Variants in ATP2B2 observed in about 807,000 individuals in gnomAD.
The protein encoded by ATP2B2 is plasma membrane calcium-transporting ATPase 2.
A neutral mutation model predicts 120.0 loss-of-function variants in ATP2B2; 15 were observed. The observed-to-expected ratio is 0.12, with a 90% CI of 0.08 to 0.19. ATP2B2 has a LOEUF of 0.19. Ranked by LOEUF, ATP2B2 falls within the 10% of genes least tolerant of loss-of-function variation. ATP2B2 has a pLI of 1.00. For missense variants in ATP2B2, 1,045 were observed against 1,719.8 expected, an observed-to-expected ratio of 0.61 and a Z score of 6.94; for synonymous variants, 694 against 700.3, an observed-to-expected ratio of 0.99 and a Z score of 0.14.
intron 2 of ATP2B2, among the ~76,000 whole-genome samples, chr3:10,577,741 G>A (rs141965748): frequency 2.0e-5 from 3 of 152,314 alleles, no homozygotes; most frequent in South Asian, 2.1e-4. Flanking sequence ...TCCCGGCAGC[G>A]TGACTCGGAA....
chr3:10,587,053 G>C (rs1033770261), intron 2 of ATP2B2, among the ~76,000 whole-genome samples: 4 of 152,148 alleles, frequency 2.6e-5, no homozygotes, highest in Non-Finnish European at 5.9e-5. Flanking sequence ...CAGTACTTTG[G>C]GATGCCAAGG....
In ATP2B2 at chr3:10,492,086, A is replaced by T. The variant is rs541112840; in HGVS notation, c.-320+13379T>A. On this transcript the variant is annotated intron_variant, in intron 1 of 22. Coordinates refer to ENST00000360273, the MANE Select transcript of ATP2B2 (RefSeq NM_001001331.4). Reference sequence around the variant, plus strand: ...ATTCCATTTGTTGCGACAAGCATGCATTATTTTTGTAATTCAAATGACTGT... The same window carrying T: ...ATTCCATTTGTTGCGACAAGCATGCTTTATTTTTGTAATTCAAATGACTGT... Among the ~76,000 whole-genome samples the T allele has an allele frequency of 1.3e-4, 20 of 152,354 alleles. 1 individual carries two copies. The South Asian group carries it at 3.9e-3, about 30-fold the overall frequency.
intron 1 of ATP2B2, among the ~76,000 whole-genome samples, chr3:10,452,386 G>T (rs1371398950): frequency 6.6e-6 from 1 of 152,240 alleles, no homozygotes; most frequent in Non-Finnish European, 1.5e-5. Context: ...GCCACAGGAG[G>T]CAAGGAGAGA....
At chr3:10,421,488 C>T (rs1190003406) in intron 2 of ATP2B2, among the ~76,000 whole-genome samples, 1 of 152,202 alleles carries the variant, frequency 6.6e-6, no homozygotes, top group Non-Finnish European at 1.5e-5. Context: ...GACCCTTTGT[C>T]TCCTACTGGT....
chr3:10,398,488 G>A (rs941166390), intron 5 of ATP2B2, among the ~76,000 whole-genome samples: 1 of 152,140 alleles, frequency 6.6e-6, no homozygotes, highest in African/African-American at 2.4e-5. Flanking sequence ...CAAGATGACT[G>A]GGAATCCTGC....
intron 22 of ATP2B2, among the ~76,000 whole-genome samples, chr3:10,336,672 G>A (rs2125349662): frequency 6.6e-6 from 1 of 152,302 alleles, no homozygotes; most frequent in African/African-American, 2.4e-5. Flanking sequence ...GGGGTCCTGA[G>A]GTGGACAGAG....
intron 1 of ATP2B2, among the ~76,000 whole-genome samples, chr3:10,681,785 G>A (rs1368600343): frequency 6.6e-6 from 1 of 152,190 alleles, no homozygotes; most frequent in African/African-American, 2.4e-5. Context: ...GCTCTAAGTC[G>A]TGCAGCTAGT....
chr3:10,494,625 T>C (rs375774049), intron 1 of ATP2B2, among the ~76,000 whole-genome samples: 5 of 152,156 alleles, frequency 3.3e-5, no homozygotes, highest in Non-Finnish European at 7.3e-5. Context: ...AACACACTGC[T>C]CAAAGGACAC....
intron 10 of ATP2B2, among the ~76,000 whole-genome samples, chr3:10,376,067 G>A (rs1381000036): frequency 6.6e-6 from 1 of 152,040 alleles, no homozygotes; most frequent in African/African-American, 2.4e-5. Context: ...TCATTTATTC[G>A]ACAAATACCT....
chr3:10,564,721 C>A (rs2067975489), intron 2 of ATP2B2, among the ~76,000 whole-genome samples: 1 of 152,200 alleles, frequency 6.6e-6, no homozygotes, highest in African/African-American at 2.4e-5. Context: ...GCAATGACAC[C>A]TACCATTACT....
At chr3:10,464,028 C>A (rs1006228591) in intron 1 of ATP2B2, among the ~76,000 whole-genome samples, 2 of 152,282 alleles carry the variant, frequency 1.3e-5, no homozygotes, top group East Asian at 3.9e-4. Context: ...GACCCCAGAC[C>A]CTGGAACCCC....
chr3:10,458,259 A>T lies in ATP2B2; in HGVS notation c.-319-8397T>A, dbSNP rs549212217. Reference sequence around the variant, plus strand: ...TGAGGAGAGCAAGAGAGACACTCAGATCCTTTTTCCTGCTGTTTAACATCT... The same window carrying T: ...TGAGGAGAGCAAGAGAGACACTCAGTTCCTTTTTCCTGCTGTTTAACATCT... On this transcript the variant is annotated intron_variant, in intron 1 of 22. Transcript: ENST00000360273. 5.3e-5 allele frequency among the ~76,000 whole-genome samples: 8 copies of T among 152,258 alleles called. No homozygotes were observed. The East Asian group carries it at 1.5e-3, about 29-fold the overall frequency.
intron 1 of ATP2B2, among the ~76,000 whole-genome samples, chr3:10,637,236 T>C (rs982161679): frequency 6.6e-6 from 1 of 152,154 alleles, no homozygotes; most frequent in Admixed American, 6.5e-5. Flanking sequence ...AAATATCTAG[T>C]ACCCAATAAG....
intron 2 of ATP2B2, among the ~76,000 whole-genome samples, chr3:10,548,701 C>T (rs7635645): frequency 0.43 from 66,042 of 152,016 alleles, 14,514 homozygotes; most frequent in South Asian, 0.57. Flanking sequence ...AGCATTCCCA[C>T]GCCTCACAAA....
At chr3:10,528,893 C>A (rs1298312277) in intron 3 of ATP2B2, among the ~76,000 whole-genome samples, 1 of 152,158 alleles carries the variant, frequency 6.6e-6, no homozygotes, top group Non-Finnish European at 1.5e-5. Context: ...ATTGTAGGCT[C>A]TCAGTTCAAG....
intron 1 of ATP2B2, among the ~76,000 whole-genome samples, chr3:10,676,119 A>C (rs1303675371): frequency 6.6e-6 from 1 of 152,182 alleles, no homozygotes; most frequent in Non-Finnish European, 1.5e-5. Context: ...TTAGCACAGG[A>C]TCTGGCAGTT....
chr3:10,491,478 G>T (rs1166291337), intron 1 of ATP2B2, among the ~76,000 whole-genome samples: 1 of 152,136 alleles, frequency 6.6e-6, no homozygotes, highest in Non-Finnish European at 1.5e-5. Flanking sequence ...TGCCCACCTT[G>T]GCCTCCCAAT....
At position 10,531,461 on chromosome 3, in the gene ATP2B2, T is replaced by C. The variant is rs114518633; in HGVS notation, c.-320+2578A>G. Among the ~76,000 whole-genome samples the C allele has an allele frequency of 3.5e-3, 533 of 152,334 alleles. 1 individual carries two copies. Among genetic ancestry groups the C allele is most frequent in the African/African-American group, 0.012 (507 of 41,580 alleles). On this transcript the variant is annotated intron_variant, in intron 3 of 21. Transcript: ENST00000646379. ...AACACTCTGCTTCAGTTTCTTCCTT[T>C]GTACAATGGGGATAAGAATGGTCAT...
intron 1 of ATP2B2, among the ~76,000 whole-genome samples, chr3:10,696,396 CCTCT>C (rs146368457): frequency 2.0e-5 from 3 of 149,954 alleles, no homozygotes; most frequent in Admixed American, 6.6e-5. Flanking sequence ...GCGATTGATT[CCTCT>C]CTCTCTCTCT....
Sources: gnomAD v4.1 joint callset for allele counts (sites outside exome capture counted in the v4.1 genomes callset) on GRCh38, gnomAD v4.1.1 for gene constraint, MANE v1.5 for transcripts, NCBI Gene and HGNC (gene_info 2026-07-23, HGNC 2026-07-21) for gene names.